Variants in ADGRV1 observed in about 807,000 individuals in gnomAD.
The protein encoded by ADGRV1 is G-protein coupled receptor 98.
Under a neutral mutation model 596.2 loss-of-function variants are expected in ADGRV1, and 359 were observed. The observed-to-expected ratio is 0.60, with a 90% CI of 0.55 to 0.66. The LOEUF is 0.66. ADGRV1 is among the 30% of genes least tolerant of loss of function. ADGRV1 has a pLI of 0.00. For missense variants in ADGRV1, 7,274 were observed against 7,575.6 expected, an observed-to-expected ratio of 0.96 and a Z score of 1.48; for synonymous variants, 2,681 against 2,679.2, an observed-to-expected ratio of 1.00 and a Z score of -0.02.
At chr5:90,936,566 C>A (rs1399190033) in intron 83 of ADGRV1, among the ~76,000 whole-genome samples, 1 of 151,728 alleles carries the variant, frequency 6.6e-6, no homozygotes, top group African/African-American at 2.4e-5. Flanking sequence ...ATTTTATCTT[C>A]TTATTATTTA....
chr5:90,916,659 G>A (rs1390040804), intron 83 of ADGRV1, among the ~76,000 whole-genome samples: 5 of 116,316 alleles, frequency 4.3e-5, no homozygotes, highest in Non-Finnish European at 9.0e-5. Flanking sequence ...TTGAGACGGA[G>A]TCTCGCTCTG....
chr5:90,752,004 G>T (rs2149954515), intron 53 of ADGRV1, among the ~76,000 whole-genome samples: 1 of 152,250 alleles, frequency 6.6e-6, no homozygotes, highest in Non-Finnish European at 1.5e-5. Context: ...TAGTTTGGAA[G>T]AATTAATTAT....
Position 90,716,711 on chromosome 5 carries a change from A to G in ADGRV1, c.9429A>G (p.Glu3143=), listed in dbSNP as rs776296972. The G allele has an allele frequency of 6.2e-7, 1 of 1,612,704 alleles. No individual in the cohort carries two copies. Among genetic ancestry groups the G allele is most frequent in the Non-Finnish European group, 8.5e-7 (1 of 1,178,790 alleles). The change falls in exon 43 of 90, where the codon GAA becomes GAG. Residue 3143 remains glutamate (E), a synonymous_variant. Transcript: ENST00000405460. Reference sequence around the variant, plus strand: ...CTTCCAAAGGCTATATTGTTTTAGAAGAAGGTGTTCGATTCAAGGTACAGT... The same window carrying G: ...CTTCCAAAGGCTATATTGTTTTAGAGGAAGGTGTTCGATTCAAGGTACAGT... ...LTPSKGYIVL[E]EGVRFKALQI...
chr5:90,807,639 A>G lies in ADGRV1; in HGVS notation c.14874A>G (p.Gly4958=). 6.2e-7 allele frequency: 1 copy of G among 1,613,128 alleles called. No homozygotes were observed. The highest frequency in any genetic ancestry group is 1.1e-5 in the South Asian group (1 of 90,978). ...LSFSHGEQRK[G]VFLWTFPSPG... is the part of the protein sequence containing the mutation. ...TTTCCCACGGTGAACAAAGGAAAGG[A>G]GTTTTCCTGTGGACGTTTCCTAGCC... Residue 4958 remains glycine, a synonymous_variant, in exon 73 of 90, where the codon GGA becomes GGG. Coordinates refer to ENST00000405460, the MANE Select transcript of ADGRV1 (RefSeq NM_032119.4).
intron 84 of ADGRV1, among the ~76,000 whole-genome samples, chr5:90,982,298 T>C (rs568105030): frequency 1.3e-4 from 20 of 152,346 alleles, no homozygotes; most frequent in Non-Finnish European, 2.9e-4. Flanking sequence ...GGTTTCATGA[T>C]ACTTTGTTTT....
rs375449280 is a variant in ADGRV1 at position 90,916,836 on chromosome 5, T to G, written c.17857-48579T>G. Among the ~76,000 whole-genome samples, 591 of 151,506 alleles carry G rather than the reference T, an allele frequency of 3.9e-3. 7 individuals are homozygous for G. The South Asian group carries it at 0.042, about 11-fold the overall frequency. On this transcript the variant is annotated intron_variant, in intron 83 of 89. Coordinates refer to ENST00000405460, the MANE Select transcript of ADGRV1 (RefSeq NM_032119.4). Reference sequence around the variant, plus strand: ...TTTAGTAGAGACGGGGTTTCACCGTTTTAGCCAGGATGGTCTCGATCTCCT... The same window carrying G: ...TTTAGTAGAGACGGGGTTTCACCGTGTTAGCCAGGATGGTCTCGATCTCCT...
chr5:90,939,087 A>G (rs897330130), intron 83 of ADGRV1, among the ~76,000 whole-genome samples: 13 of 152,236 alleles, frequency 8.5e-5, no homozygotes, highest in African/African-American at 9.6e-5. Context: ...TTGTCTATCA[A>G]TCAAAGGTGC....
intron 83 of ADGRV1, among the ~76,000 whole-genome samples, chr5:90,866,315 A>ATGTGTGTGTGTGTGTGTGTG (rs149341618): frequency 9.1e-4 from 126 of 138,320 alleles, no homozygotes; most frequent in Middle Eastern, 3.6e-3. Context: ...GTATGTGTAT[A>ATGTGTGTGTGTGTGTGTGTG]TGTGTGTGTG....
At chr5:90,575,605 A>G (rs1274873716) in intron 1 of ADGRV1, among the ~76,000 whole-genome samples, 1 of 152,146 alleles carries the variant, frequency 6.6e-6, no homozygotes, top group Non-Finnish European at 1.5e-5. Flanking sequence ...CCATGAATGG[A>G]CAGCGAAAGC....
Position 90,835,168 on chromosome 5 carries a change from C to T in ADGRV1, c.16612-5410C>T, listed in dbSNP as rs529617585. Among the ~76,000 whole-genome samples the T allele has an allele frequency of 2.4e-3, 358 of 152,272 alleles. 1 individual carries two copies. The highest frequency in any genetic ancestry group is 4.0e-3 in the Non-Finnish European group (269 of 68,016). On this transcript the variant is annotated intron_variant, in intron 77 of 89. Coordinates refer to ENST00000405460, the MANE Select transcript of ADGRV1 (RefSeq NM_032119.4). ...ACAATCTGGGCTTATTTTTACCCAT[C>T]CTTCTTGGGAAGTTTTTCCAGATAT... is the stretch of plus-strand genomic sequence containing the variant.
Position 90,806,946 on chromosome 5 carries a change from G to A in ADGRV1, c.14837-656G>A, listed in dbSNP as rs147624085. Among the ~76,000 whole-genome samples the A allele has an allele frequency of 4.0e-3, 609 of 151,658 alleles. 4 individuals are homozygous for A. The highest frequency in any genetic ancestry group is 0.014 in the African/African-American group (581 of 41,336). On this transcript the variant is annotated intron_variant, in intron 72 of 89. Transcript: ENST00000405460. ...CAACTCACTGCAACCTCCACCTCCC[G>A]GGCTCAAGGTATTCTCCTGCCTCAG...
chr5:90,982,146 G>A (rs989382956), intron 84 of ADGRV1, among the ~76,000 whole-genome samples: 1 of 152,112 alleles, frequency 6.6e-6, no homozygotes, highest in African/African-American at 2.4e-5. Flanking sequence ...TTTCTTAAAG[G>A]TATGTATAGG....
intron 82 of ADGRV1, among the ~76,000 whole-genome samples, chr5:90,863,537 T>C (rs1020667453): frequency 6.6e-6 from 1 of 152,174 alleles, no homozygotes; most frequent in African/African-American, 2.4e-5. Flanking sequence ...AAAAATCCTA[T>C]TCACATGCCT....
At chr5:90,889,314 C>T (rs541591892) in intron 83 of ADGRV1, among the ~76,000 whole-genome samples, 18 of 152,184 alleles carry the variant, frequency 1.2e-4, no homozygotes, top group African/African-American at 4.3e-4. Context: ...GCTTTTCATA[C>T]AAAGTGAACC....
At chr5:90,897,553 T>C (rs1771451241) in intron 83 of ADGRV1, among the ~76,000 whole-genome samples, 1 of 150,822 alleles carries the variant, frequency 6.6e-6, no homozygotes, top group Admixed American at 6.6e-5. Flanking sequence ...CGAATATCAT[T>C]GATAATCATA....
chr5:90,789,717 G>A lies in ADGRV1; in HGVS notation c.13909G>A (p.Asp4637Asn). 6.4e-7 allele frequency: 1 copy of A among 1,552,544 alleles called. No individual in the cohort carries two copies. Among genetic ancestry groups the A allele is most frequent in the South Asian group, 1.2e-5 (1 of 83,332 alleles). ...TATTTTTTAGATACAAGAGTTTGGT[G>A]ACCCAAATGGAGTTGTTCAGTTTGC... Reference protein sequence around the residue: ...DVTLTIQEFGDPNGVVQFAPE... With the variant: ...DVTLTIQEFGNPNGVVQFAPE... Residue 4637 changes from aspartate to asparagine, a missense_variant, in exon 69 of 90, where the codon GAC becomes AAC. By Grantham distance (23) the Asp-to-Asn change is conservative. Coordinates refer to ENST00000405460, the MANE Select transcript of ADGRV1 (RefSeq NM_032119.4).
chr5:90,799,687 G>A (rs776834906), intron 70 of ADGRV1, among the ~76,000 whole-genome samples: 3 of 152,136 alleles, frequency 2.0e-5, no homozygotes, highest in African/African-American at 4.8e-5. Flanking sequence ...TACACTACAA[G>A]CCTACAGTAA....
At chr5:90,929,961 C>T (rs1243185840) in intron 83 of ADGRV1, among the ~76,000 whole-genome samples, 4 of 151,838 alleles carry the variant, frequency 2.6e-5, no homozygotes, top group African/African-American at 7.3e-5. Context: ...GTTTTTTATC[C>T]ATATTCTGTT....
intron 21 of ADGRV1, among the ~76,000 whole-genome samples, chr5:90,665,393 A>AGG (rs1438625838): frequency 6.6e-6 from 1 of 151,462 alleles, no homozygotes; most frequent in Non-Finnish European, 1.5e-5. Flanking sequence ...TTTCTAGTTT[A>AGG]TTTGCGTAGA....
Sources: allele counts gnomAD v4.1 joint callset (sites outside exome capture counted in the v4.1 genomes callset), GRCh38; gene constraint gnomAD v4.1.1; transcripts MANE v1.5; gene names NCBI Gene and HGNC (gene_info 2026-07-23, HGNC 2026-07-21).